Variants in ARAP2 observed in about 807,000 individuals in gnomAD.
The protein encoded by ARAP2 is arf-GAP with Rho-GAP domain, ANK repeat and PH domain-containing protein 2.
ARAP2 carries 148 observed loss-of-function variants against 194.5 expected under a neutral mutation model. The observed-to-expected ratio is 0.76, with a 90% CI of 0.67 to 0.87. ARAP2 has a LOEUF of 0.87. Ranked by LOEUF, ARAP2 falls within the 40% of genes least tolerant of loss-of-function variation. The probability of loss-of-function intolerance (pLI) is 0.00; values close to 1 mark genes in which losing one functional copy is unlikely to be tolerated. For missense variants in ARAP2, 2,128 were observed against 1,989.7 expected, an observed-to-expected ratio of 1.07 and a Z score of -1.32; for synonymous variants, 695 against 683.5, an observed-to-expected ratio of 1.02 and a Z score of -0.26.
chr4:36,043,844 G>GCA (rs1560311648), intron 5 of ARAP2, among the ~76,000 whole-genome samples: 1 of 36,930 alleles, frequency 2.7e-5, no homozygotes, highest in African/African-American at 1.1e-4. Context: ...GGGAGGGGAG[G>GCA]GGGGAGGGGA....
intron 1 of ARAP2, among the ~76,000 whole-genome samples, chr4:36,233,155 G>A (rs1751827447): frequency 6.6e-6 from 1 of 152,160 alleles, no homozygotes; most frequent in Non-Finnish European, 1.5e-5. Flanking sequence ...ACCCAAGAGT[G>A]TTCACAGATC....
intron 19 of ARAP2, among the ~76,000 whole-genome samples, chr4:36,135,977 C>T (rs1178968059): frequency 1.3e-5 from 2 of 151,674 alleles, no homozygotes; most frequent in African/African-American, 4.8e-5. Flanking sequence ...AGAAAAAAAT[C>T]CACTGATGAT....
At chr4:36,169,924 A>AGTAAC (rs1736222208) in intron 9 of ARAP2, among the ~76,000 whole-genome samples, 3 of 152,260 alleles carry the variant, frequency 2.0e-5, no homozygotes, top group Admixed American at 6.5e-5. Flanking sequence ...TATACATAAG[A>AGTAAC]GTAACACAAT....
At chr4:36,150,507 G>A (rs1261275064) in intron 16 of ARAP2, among the ~76,000 whole-genome samples, 1 of 152,036 alleles carries the variant, frequency 6.6e-6, no homozygotes, top group African/African-American at 2.4e-5. Flanking sequence ...TTAGCTGGGT[G>A]TGGTAGCATG....
chr4:36,028,666 C>T (rs749725343), intron 5 of ARAP2, among the ~76,000 whole-genome samples: 127 of 151,390 alleles, frequency 8.4e-4, no homozygotes, highest in Non-Finnish European at 1.2e-3. Flanking sequence ...TTCCTGTTTT[C>T]CCTTTCACTA....
chr4:36,099,835 T>A (rs1366056879), intron 27 of ARAP2, among the ~76,000 whole-genome samples: 1 of 152,048 alleles, frequency 6.6e-6, no homozygotes, highest in African/African-American at 2.4e-5. Flanking sequence ...TATAAATTGC[T>A]CAGAATAGAG....
At chr4:36,195,864 G>C (rs1742972650) in intron 6 of ARAP2, among the ~76,000 whole-genome samples, 1 of 152,132 alleles carries the variant, frequency 6.6e-6, no homozygotes, top group African/African-American at 2.4e-5. Context: ...TCCCACACCA[G>C]GTCTTATGCT....
intron 19 of ARAP2, among the ~76,000 whole-genome samples, chr4:36,141,211 C>G (rs1728231616): frequency 6.6e-6 from 1 of 151,578 alleles, no homozygotes; most frequent in African/African-American, 2.4e-5. Context: ...AGAATATTCA[C>G]TAACAAGTGA....
intron 8 of ARAP2, among the ~76,000 whole-genome samples, chr4:36,182,897 T>C (rs771735770): frequency 2.0e-5 from 3 of 152,276 alleles, no homozygotes; most frequent in Non-Finnish European, 2.9e-5. Flanking sequence ...GGCACCCATG[T>C]TGGCATGTCA....
chr4:36,239,120 A>G (rs1189997187), intron 1 of ARAP2, among the ~76,000 whole-genome samples: 1 of 152,176 alleles, frequency 6.6e-6, no homozygotes, highest in Non-Finnish European at 1.5e-5. Context: ...TACTAAAAAC[A>G]CAAAAATTAG....
At chr4:36,211,634 A>G (rs752682850) in intron 5 of ARAP2, among the ~76,000 whole-genome samples, 7 of 152,134 alleles carry the variant, frequency 4.6e-5, no homozygotes, top group Non-Finnish European at 1.0e-4. Flanking sequence ...AACTGAGGGA[A>G]ACCTATAACA....
intron 27 of ARAP2, among the ~76,000 whole-genome samples, chr4:36,093,887 C>A (rs1045439682): frequency 6.6e-6 from 1 of 152,160 alleles, no homozygotes; most frequent in Admixed American, 6.6e-5. Flanking sequence ...AACCCCAATT[C>A]TAAATGCATG....
chr4:36,174,142 C>A (rs1159894576), intron 9 of ARAP2, among the ~76,000 whole-genome samples: 3 of 152,204 alleles, frequency 2.0e-5, no homozygotes, highest in Non-Finnish European at 4.4e-5. Context: ...ATGCCCCCTG[C>A]ATGTGTCATG....
At chr4:36,151,763 G>A (rs527269014) in intron 15 of ARAP2, among the ~76,000 whole-genome samples, 2 of 152,030 alleles carry the variant, frequency 1.3e-5, no homozygotes, top group East Asian at 3.9e-4. Context: ...TAAAGTGTGA[G>A]ATAAATATAT....
At chr4:36,236,372 T>C (rs990864187) in intron 1 of ARAP2, among the ~76,000 whole-genome samples, 2 of 152,114 alleles carry the variant, frequency 1.3e-5, no homozygotes, top group African/African-American at 4.8e-5. Context: ...TAAACCATGA[T>C]GTCATTGAGA....
At chr4:36,093,751 G>A (rs1714404039) in intron 27 of ARAP2, among the ~76,000 whole-genome samples, 1 of 152,088 alleles carries the variant, frequency 6.6e-6, no homozygotes, top group Non-Finnish European at 1.5e-5. Context: ...CTGACAGAAC[G>A]TTTTTTCAGC....
chr4:36,019,600 G>T lies in ARAP2; in HGVS notation n.608-314C>A, dbSNP rs79890216. Among the ~76,000 whole-genome samples the T allele has an allele frequency of 6.2e-3, 932 of 151,522 alleles. 133 individuals carry two copies. Among genetic ancestry groups the T allele is most frequent in the African/African-American group, 0.022 (898 of 40,850 alleles). ...TACATAAGGGTGGACCCAGGGAAAGGCTTCCTGGGTCCTGCACAACAAGAA... is the reference window on the plus strand; with the variant it reads ...TACATAAGGGTGGACCCAGGGAAAGTCTTCCTGGGTCCTGCACAACAAGAA... On this transcript the variant is annotated intron_variant and non_coding_transcript_variant, in intron 5 of 12. Coordinates refer to the ARAP2 transcript ENST00000503225.
intron 6 of ARAP2, among the ~76,000 whole-genome samples, chr4:36,197,351 A>T (rs969709238): frequency 6.6e-6 from 1 of 152,238 alleles, no homozygotes; most frequent in African/African-American, 2.4e-5. Flanking sequence ...TTTTCACTGA[A>T]AGATATTTAC....
intron 1 of ARAP2, among the ~76,000 whole-genome samples, chr4:36,060,909 A>G (rs1483471011): frequency 1.3e-5 from 2 of 152,280 alleles, no homozygotes; most frequent in Admixed American, 1.3e-4. Flanking sequence ...CCCTACCTCC[A>G]AATATAGTCA....
Sources: gnomAD v4.1 joint callset for allele counts (sites outside exome capture counted in the v4.1 genomes callset) on GRCh38, gnomAD v4.1.1 for gene constraint, MANE v1.5 for transcripts, NCBI Gene and HGNC (gene_info 2026-07-23, HGNC 2026-07-21) for gene names.